MALL: variants seen among roughly 807,000 people sequenced by gnomAD.
The protein encoded by MALL is mal, T cell differentiation protein like, also known as MAL-like protein.
Under a neutral mutation model 10.3 loss-of-function variants are expected in MALL, and 2 were observed. The ratio of observed to expected loss-of-function variants is 0.19; its 90% confidence interval spans 0.08 to 0.61. MALL has a LOEUF of 0.61. Among genes scored for constraint, MALL ranks in the 20% least tolerant of loss-of-function variants. The probability of loss-of-function intolerance (pLI) is 0.88; values close to 1 mark genes in which losing one functional copy is unlikely to be tolerated. For synonymous variants in MALL, 27 were observed against 51.8 expected (o/e 0.52, Z 2.05); for missense variants, 39 against 115.2 (o/e 0.34, Z 3.03).
intron 1 of MALL, among the ~76,000 whole-genome samples, chr2:110,099,550 G>A (rs1018486144): frequency 2.0e-5 from 3 of 152,126 alleles, no homozygotes; most frequent in Admixed American, 2.0e-4. Flanking sequence ...ATGCTGCAGC[G>A]AATACCTTGT....
At chr2:110,116,096 G>A, upstream of MALL, 1 of 289,924 alleles carries the variant, frequency 3.4e-6, no homozygotes, top group East Asian at 5.5e-5. Flanking sequence ...GTTATTCCAG[G>A]GGATGCCAGC....
intron 1 of MALL, among the ~76,000 whole-genome samples, chr2:110,114,107 T>C (rs1248759413): frequency 6.6e-6 from 1 of 152,082 alleles, no homozygotes; most frequent in African/African-American, 2.4e-5. Context: ...CTGGGTGCTG[T>C]CCTGGTTCCA....
intron 1 of MALL, among the ~76,000 whole-genome samples, chr2:110,104,168 G>C (rs889981182): frequency 6.6e-6 from 1 of 152,136 alleles, no homozygotes; most frequent in Non-Finnish European, 1.5e-5. Flanking sequence ...TCATCTATAG[G>C]TTTGAGCATC....
upstream of MALL, chr2:110,115,874 T>C: frequency 2.0e-6 from 1 of 488,536 alleles, no homozygotes; most frequent in Non-Finnish European, 3.2e-6. Flanking sequence ...GACACACCCA[T>C]CGGACGTCGC....
At chr2:110,096,488 T>C (rs1326083501) in intron 1 of MALL, among the ~76,000 whole-genome samples, 1 of 151,864 alleles carries the variant, frequency 6.6e-6, no homozygotes, top group Non-Finnish European at 1.5e-5. Context: ...TTGGCTGTAG[T>C]AGCCATAACC....
intron 1 of MALL, among the ~76,000 whole-genome samples, chr2:110,105,448 C>T (rs1000724127): frequency 4.6e-5 from 7 of 152,150 alleles, no homozygotes; most frequent in South Asian, 2.1e-4. Flanking sequence ...CATGGTCCCA[C>T]GGGCACAGAG....
intron 1 of MALL, among the ~76,000 whole-genome samples, chr2:110,096,053 C>T (rs758535622): frequency 1.3e-5 from 2 of 152,126 alleles, no homozygotes; most frequent in Non-Finnish European, 2.9e-5. Context: ...CGGCAAAAAA[C>T]GTGGTGTGGG....
upstream of MALL, among the ~76,000 whole-genome samples, chr2:110,117,776 C>T (rs1048928492): frequency 3.3e-5 from 5 of 152,034 alleles, no homozygotes; most frequent in Admixed American, 2.0e-4. Context: ...TCCATTGCCA[C>T]CACCACTGTC....
At chr2:110,099,989 G>A (rs1274185269) in intron 1 of MALL, among the ~76,000 whole-genome samples, 1 of 151,918 alleles carries the variant, frequency 6.6e-6, no homozygotes, top group African/African-American at 2.4e-5. Context: ...TGTGCGGGTC[G>A]CCCATACCCC....
chr2:110,115,801 C>A lies in MALL; in HGVS notation c.-9G>T. 3 of 1,245,772 alleles carry A rather than the reference C, an allele frequency of 2.4e-6. No individual in the cohort carries two copies. The highest frequency in any genetic ancestry group is 3.0e-6 in the Non-Finnish European group (3 of 983,618). 77.2% of individuals were successfully genotyped at this position (1,245,772 alleles called of 1,614,324 possible). On this transcript the variant is annotated 5_prime_UTR_variant, in exon 1 of 4. Coordinates refer to ENST00000272462, the MANE Select transcript of MALL (RefSeq NM_005434.5). ...GGGTCGGGCGAGGCCATGCTGTCAG[C>A]CCCTGCCGGGTGCTCCGCGGCAGCT...
chr2:110,096,787 G>A (rs192653181), intron 1 of MALL, among the ~76,000 whole-genome samples: 151 of 151,454 alleles, frequency 1.0e-3, no homozygotes, highest in African/African-American at 3.3e-3. Context: ...CCCAGTGTCC[G>A]TCTGCAACCT....
chr2:110,097,347 T>G (rs779341183), intron 1 of MALL, among the ~76,000 whole-genome samples: 19 of 152,114 alleles, frequency 1.2e-4, no homozygotes, highest in Non-Finnish European at 1.6e-4. Context: ...CAGTTTTGAA[T>G]GTAGGACCCT....
At chr2:110,099,300 C>T (rs1244138416) in intron 1 of MALL, among the ~76,000 whole-genome samples, 1 of 152,102 alleles carries the variant, frequency 6.6e-6, no homozygotes, top group African/African-American at 2.4e-5. Flanking sequence ...CCTGGCAACT[C>T]AAGTTTTTAG....
At chr2:110,112,075 A>G (rs1428533790) in intron 1 of MALL, among the ~76,000 whole-genome samples, 2 of 152,208 alleles carry the variant, frequency 1.3e-5, no homozygotes, top group Non-Finnish European at 2.9e-5. Context: ...CTTATACAAA[A>G]ACCAACTCAA....
intron 1 of MALL, among the ~76,000 whole-genome samples, chr2:110,114,184 C>T (rs1159202593): frequency 6.6e-6 from 1 of 152,058 alleles, no homozygotes; most frequent in African/African-American, 2.4e-5. Flanking sequence ...CCCTCTCTTT[C>T]CCCCCAGCCT....
At chr2:110,097,701 G>A in intron 1 of MALL, 1 of 344,186 alleles carries the variant, frequency 2.9e-6, no homozygotes, top group Non-Finnish European at 5.8e-6. Flanking sequence ...TTTGGGGTGG[G>A]GCAGACAAGG....
At chr2:110,103,861 G>A (rs1678631238) in intron 1 of MALL, among the ~76,000 whole-genome samples, 2 of 152,132 alleles carry the variant, frequency 1.3e-5, no homozygotes, top group Admixed American at 6.5e-5. Context: ...GACAGGGGCC[G>A]GAGTGGCCAG....
chr2:110,117,357 G>A (rs563323184), upstream of MALL, among the ~76,000 whole-genome samples: 2 of 152,032 alleles, frequency 1.3e-5, no homozygotes, highest in South Asian at 2.1e-4. Context: ...GTTTAAGTAA[G>A]AAGAAAAACA....
At chr2:110,117,832 CA>C (rs1678953550), upstream of MALL, among the ~76,000 whole-genome samples, 1 of 151,852 alleles carries the variant, frequency 6.6e-6, no homozygotes. Context: ...AACAAACAAA[CA>C]AACAAAAAAC....
Sources: allele counts gnomAD v4.1 joint callset (sites outside exome capture counted in the v4.1 genomes callset), GRCh38; gene constraint gnomAD v4.1.1; transcripts MANE v1.5; gene names NCBI Gene and HGNC (gene_info 2026-07-23, HGNC 2026-07-21).